Variants in TNFSF8 observed in about 807,000 individuals in gnomAD.
TNFSF8 encodes the protein tumor necrosis factor ligand superfamily member 8.
In TNFSF8, 4 loss-of-function variants were observed where a neutral mutation model predicts 22.0. That is an observed-to-expected ratio of 0.18 (90% CI 0.09 to 0.42). The LOEUF (loss-of-function observed/expected upper bound fraction) is 0.42, where lower values mean the gene tolerates loss of function less well. Among genes scored for constraint, TNFSF8 ranks in the 10% least tolerant of loss-of-function variants. TNFSF8 has a pLI of 1.00. For synonymous variants in TNFSF8, 106 were observed against 112.5 expected, an observed-to-expected ratio of 0.94 and a Z score of 0.37; for missense variants, 233 against 281.8, an observed-to-expected ratio of 0.83 and a Z score of 1.24.
chr9:114,924,362 T>A (rs903846905), intron 1 of TNFSF8, among the ~76,000 whole-genome samples: 3 of 152,184 alleles, frequency 2.0e-5, no homozygotes, highest in Admixed American at 2.0e-4. Context: ...GCCATACCTA[T>A]AAGACATTTT....
intron 3 of TNFSF8, among the ~76,000 whole-genome samples, chr9:114,905,609 G>C (rs1272613115): frequency 6.6e-6 from 1 of 152,196 alleles, no homozygotes. Flanking sequence ...GAGTGAATGG[G>C]ACTGAGGAAA....
Position 114,918,111 on chromosome 9 carries a change from C to T in TNFSF8, c.223G>A (p.Val75Ile), listed in dbSNP as rs371908655. Reference protein sequence around the residue: ...TDSIPNSPDNVPLKGGNCSED... With the variant: ...TDSIPNSPDNIPLKGGNCSED... ...AAGATCTTACCTCCTTTGAGGGGGA[C>T]GTTGTCAGGTGAGTTGGGAATGGAG... is the stretch of plus-strand genomic sequence containing the variant. The change falls in exon 2 of 4, where the codon GTC becomes ATC. Residue 75 changes from valine to isoleucine, a missense_variant. Physicochemically the swap from Val to Ile is conservative, Grantham distance 29 (BLOSUM62 3). Coordinates refer to ENST00000223795, the MANE Select transcript of TNFSF8 (RefSeq NM_001244.4). 6.0e-5 allele frequency: 96 copies of T among 1,605,650 alleles called. No individual in the cohort carries two copies. In the African/African-American group the frequency reaches 8.1e-4, roughly 13 times the overall value.
Position 114,902,042 on chromosome 9 carries a change from G to C in TNFSF8, c.*1889C>G, listed in dbSNP as rs1408766244. On this transcript the variant is annotated 3_prime_UTR_variant, in exon 4 of 4. Transcript: ENST00000223795. Reference sequence around the variant, plus strand: ...TTTGCTCCATGTTTTGGTATAGCAGGGAAGCTTCCATCTTTTTTTACTGAA... The same window carrying C: ...TTTGCTCCATGTTTTGGTATAGCAGCGAAGCTTCCATCTTTTTTTACTGAA... The C allele has an allele frequency of 4.1e-6, 4 of 985,144 alleles. No homozygotes were observed. In the South Asian group the frequency reaches 1.4e-4, roughly 35 times the overall value. The allele number at this position is 985,144 out of a possible 1,614,324, so 61.0% of individuals were successfully genotyped here. A position where few individuals can be genotyped will look rare whatever the true frequency, so the allele number is the denominator to read the frequency against.
intron 2 of TNFSF8, among the ~76,000 whole-genome samples, 177 bp downstream of exon 2, chr9:114,917,919 T>C (rs938240974): frequency 1.3e-5 from 2 of 152,208 alleles, no homozygotes; most frequent in Non-Finnish European, 2.9e-5. Context: ...GTTCAGGAGC[T>C]GCTAAGATGA....
chr9:114,904,418 GA>G, intron 3 of TNFSF8, 93 bp from the exon 4 acceptor site: 1 of 1,489,290 alleles, frequency 6.7e-7, no homozygotes, highest in Non-Finnish European at 8.9e-7. Flanking sequence ...TCCCATTCAA[GA>G]CCCATGTTTT....
At chr9:114,907,125 A>G (rs1827794871) in intron 2 of TNFSF8, among the ~76,000 whole-genome samples, 1 of 152,122 alleles carries the variant, frequency 6.6e-6, no homozygotes, top group South Asian at 2.1e-4. Context: ...TCATAGCTTC[A>G]TGGGGGCTTT....
At chr9:114,913,227 C>T (rs946028819) in intron 2 of TNFSF8, among the ~76,000 whole-genome samples, 1 of 152,180 alleles carries the variant, frequency 6.6e-6, no homozygotes, top group Non-Finnish European at 1.5e-5. Flanking sequence ...GAGGTCTATC[C>T]ACTGTTCCAA....
intron 2 of TNFSF8, among the ~76,000 whole-genome samples, chr9:114,914,595 A>T (rs1016036408): frequency 1.3e-5 from 2 of 152,240 alleles, no homozygotes; most frequent in African/African-American, 4.8e-5. Context: ...TGGATATGAA[A>T]GAACAGAGTG....
At chr9:114,918,299 G>T (rs749110003) in intron 1 of TNFSF8, among the ~76,000 whole-genome samples, 161 bp from the exon 2 acceptor site, 6 of 151,966 alleles carry the variant, frequency 3.9e-5, no homozygotes, top group Non-Finnish European at 7.4e-5. Flanking sequence ...TTTCCAATGG[G>T]CTTTCTATCC....
chr9:114,893,728 T>C (rs1203702946), exon 5 of TNFSF8: 1 of 210,978 alleles, frequency 4.7e-6, no homozygotes, highest in Non-Finnish European at 9.7e-6. Context: ...GTTGGGGTCA[T>C]AGGGTAAGAT....
chr9:114,895,415 C>T (rs1049252397), intron 4 of TNFSF8, among the ~76,000 whole-genome samples: 4 of 152,194 alleles, frequency 2.6e-5, no homozygotes, highest in African/African-American at 4.8e-5. Flanking sequence ...CCAGTTTTCC[C>T]TGCAGGATGA....
chr9:114,908,469 T>A lies in TNFSF8; in HGVS notation c.239-2570A>T, dbSNP rs1418274354. 3.3e-5 allele frequency among the ~76,000 whole-genome samples: 5 copies of A among 152,272 alleles called. No homozygotes were observed. In the East Asian group the frequency reaches 9.7e-4, roughly 29 times the overall value. Reference sequence around the variant, plus strand: ...ACAAAACATCAAGAACAGGCTCTGCTCATTGGCCGAAAGCCCTCTTACACT... The same window carrying A: ...ACAAAACATCAAGAACAGGCTCTGCACATTGGCCGAAAGCCCTCTTACACT... On this transcript the variant is annotated intron_variant, in intron 2 of 3. Transcript: ENST00000223795.
chr9:114,930,405 T>A lies in TNFSF8; in HGVS notation c.-102A>T. On this transcript the variant is annotated 5_prime_UTR_variant, in exon 1 of 4. The change abolishes the stop of an existing upstream ORF in the 5' untranslated region. Transcript: ENST00000223795. ...AAGGATTCTCCCCCTGAATCCTGAA[T>A]CATGTGACTTGGAAAAAAACCTTCA... is the stretch of plus-strand genomic sequence containing the variant. 4.9e-6 allele frequency: 5 copies of A among 1,023,492 alleles called. No individual in the cohort carries two copies. Among genetic ancestry groups the A allele is most frequent in the Non-Finnish European group, 5.2e-6 (4 of 764,768 alleles). The allele number at this position is 1,023,492 out of a possible 1,614,324, so 63.4% of individuals were successfully genotyped here. A position where few individuals can be genotyped will look rare whatever the true frequency, so the allele number is the denominator to read the frequency against.
intron 1 of TNFSF8, among the ~76,000 whole-genome samples, chr9:114,926,438 A>G: frequency 6.6e-6 from 1 of 152,190 alleles, no homozygotes; most frequent in East Asian, 1.9e-4. Context: ...CAAAAAAAGA[A>G]AAAAAGAAAA....
downstream of TNFSF8, among the ~76,000 whole-genome samples, chr9:114,898,094 C>A (rs1827675635): frequency 6.6e-6 from 1 of 151,680 alleles, no homozygotes; most frequent in Non-Finnish European, 1.5e-5. Context: ...CCTCTGCCTC[C>A]TGGGTTCACA....
chr9:114,926,444 G>A (rs1194594812), intron 1 of TNFSF8, among the ~76,000 whole-genome samples: 1 of 151,992 alleles, frequency 6.6e-6, no homozygotes, highest in Non-Finnish European at 1.5e-5. Flanking sequence ...AAGAAAAAAA[G>A]AAAATGCACA....
At position 114,902,353 on chromosome 9, in the gene TNFSF8, C is replaced by A; in HGVS notation, c.*1578G>T. The A allele has an allele frequency of 4.1e-6, 4 of 985,420 alleles. No homozygotes were observed. Among genetic ancestry groups the A allele is most frequent in the Non-Finnish European group, 4.8e-6 (4 of 829,934 alleles). The allele number at this position is 985,420 out of a possible 1,614,324, so 61.0% of individuals were successfully genotyped here. On this transcript the variant is annotated 3_prime_UTR_variant, in exon 4 of 4. Transcript: ENST00000223795. ...ATATATTATGCAGGGGATGGAGCAG[C>A]CATTCCCTGGCTAGATGACCACATC...
chr9:114,922,372 C>T (rs1319055059), intron 1 of TNFSF8, among the ~76,000 whole-genome samples: 1 of 152,172 alleles, frequency 6.6e-6, no homozygotes, highest in East Asian at 1.9e-4. Flanking sequence ...TGGGCTCTGG[C>T]TCATGGCCCA....
chr9:114,917,084 G>A (rs1054154816), intron 2 of TNFSF8, among the ~76,000 whole-genome samples: 1 of 152,152 alleles, frequency 6.6e-6, no homozygotes, highest in African/African-American at 2.4e-5. Flanking sequence ...CACAGGAAAG[G>A]CATGGGCAAG....
Sources: allele counts gnomAD v4.1 joint callset (sites outside exome capture counted in the v4.1 genomes callset), GRCh38; gene constraint gnomAD v4.1.1; transcripts MANE v1.5; gene names NCBI Gene and HGNC (gene_info 2026-07-23, HGNC 2026-07-21).